The following KIAA1217 variants were observed in gnomAD, a reference collection of about 807,000 sequenced individuals.
KIAA1217 encodes KIAA1217.
A neutral mutation model predicts 163.9 loss-of-function variants in KIAA1217; 88 were observed. The observed-to-expected ratio is 0.54, with a 90% CI of 0.45 to 0.64. KIAA1217 has a LOEUF of 0.64. KIAA1217 is among the 30% of genes least tolerant of loss of function. The pLI is 0.00. For missense variants in KIAA1217, 2,372 were observed against 2,475.0 expected (o/e 0.96, Z 0.88); for synonymous variants, 903 against 923.1 (o/e 0.98, Z 0.39).
intron 1 of KIAA1217, among the ~76,000 whole-genome samples, chr10:23,906,086 T>C (rs1213776742): frequency 6.6e-6 from 1 of 152,060 alleles, no homozygotes; most frequent in Non-Finnish European, 1.5e-5. Flanking sequence ...GCCCAGCTAA[T>C]TCTCTCCAGC....
At chr10:24,432,684 G>C (rs529497806) in intron 3 of KIAA1217, among the ~76,000 whole-genome samples, 1 of 151,994 alleles carries the variant, frequency 6.6e-6, no homozygotes, top group East Asian at 2.0e-4. Flanking sequence ...CGAACTCCTG[G>C]CCTCAAGCAA....
chr10:24,016,312 T>C lies in KIAA1217; in HGVS notation c.-171+8938T>C, dbSNP rs1847477041. 2.0e-5 allele frequency among the ~76,000 whole-genome samples: 3 copies of C among 152,308 alleles called. No homozygotes were observed. The South Asian group carries it at 6.2e-4, about 32-fold the overall frequency. On this transcript the variant is annotated intron_variant, in intron 2 of 18. Transcript: ENST00000376462. The stretch of plus-strand genomic sequence containing the variant: ...ATTTCTTTGCTCAGTTCTTGTATTC[T>C]TATATTTATATTTTCAGCCTGGCTT...
intron 2 of KIAA1217, among the ~76,000 whole-genome samples, chr10:24,037,380 C>T (rs1046938559): frequency 6.6e-6 from 1 of 152,184 alleles, no homozygotes; most frequent in Non-Finnish European, 1.5e-5. Flanking sequence ...ATCCCAGCTA[C>T]TCAGGAGGAT....
chr10:24,402,331 C>T (rs545418192), intron 3 of KIAA1217, among the ~76,000 whole-genome samples: 19 of 151,700 alleles, frequency 1.3e-4, no homozygotes, highest in Non-Finnish European at 2.6e-4. Flanking sequence ...ACGGTGAAAC[C>T]CTGTCTCTAC....
At chr10:24,101,195 AG>A (rs1278508742) in intron 2 of KIAA1217, among the ~76,000 whole-genome samples, 1 of 152,242 alleles carries the variant, frequency 6.6e-6, no homozygotes, top group Non-Finnish European at 1.5e-5. Context: ...GATGAAGAAA[AG>A]CACTCCTGTG....
At position 24,120,768 on chromosome 10, in the gene KIAA1217, C is replaced by T. The variant is rs117677764; in HGVS notation, c.-170-98858C>T. Among the ~76,000 whole-genome samples, 22 of 152,258 alleles carry T rather than the reference C, an allele frequency of 1.4e-4. No individual in the cohort carries two copies. In the East Asian group the frequency reaches 4.0e-3, roughly 28 times the overall value. ...AAAAGGCATCAAGTCATCTCTGCAA[C>T]CCTGGGGCAGCTGTCATTTGTAAAG... is the stretch of plus-strand genomic sequence containing the variant. On this transcript the variant is annotated intron_variant, in intron 2 of 18. Transcript: ENST00000376462.
At chr10:23,828,918 A>T (rs985983574) in intron 1 of KIAA1217, among the ~76,000 whole-genome samples, 1 of 152,150 alleles carries the variant, frequency 6.6e-6, no homozygotes, top group Non-Finnish European at 1.5e-5. Flanking sequence ...CAGTTTCTGT[A>T]GGGGTTTTGT....
At chr10:24,239,886 C>T (rs999898225) in intron 2 of KIAA1217, among the ~76,000 whole-genome samples, 1 of 152,058 alleles carries the variant, frequency 6.6e-6, no homozygotes, top group Admixed American at 6.5e-5. Context: ...CTTTTCTCAC[C>T]GAGGCATTTT....
At chr10:24,484,241 A>ATATATATATATATTT (rs1376083298) in intron 6 of KIAA1217, among the ~76,000 whole-genome samples, 8 of 75,138 alleles carry the variant, frequency 1.1e-4, no homozygotes, top group Non-Finnish European at 1.7e-4. Flanking sequence ...ATATATATAT[A>ATATATATATATATTT]TTTTTTTTTT....
At chr10:23,696,195 A>G (rs1819802104) in intron 1 of KIAA1217, among the ~76,000 whole-genome samples, 1 of 152,098 alleles carries the variant, frequency 6.6e-6, no homozygotes, top group Non-Finnish European at 1.5e-5. Flanking sequence ...CCTACTTCTC[A>G]TAGGGGAAAA....
chr10:23,840,904 A>G (rs954330056), intron 1 of KIAA1217, among the ~76,000 whole-genome samples: 7 of 152,230 alleles, frequency 4.6e-5, no homozygotes, highest in Admixed American at 6.5e-5. Context: ...GCCATAGAAT[A>G]GTGGTCAAGA....
intron 3 of KIAA1217, among the ~76,000 whole-genome samples, chr10:24,421,090 A>T (rs1480803580): frequency 3.9e-5 from 6 of 152,062 alleles, no homozygotes; most frequent in African/African-American, 1.4e-4. Flanking sequence ...TTGCCACCTC[A>T]TGCCTCCTGG....
chr10:23,722,202 C>A (rs1837910211), intron 1 of KIAA1217, among the ~76,000 whole-genome samples: 1 of 152,040 alleles, frequency 6.6e-6, no homozygotes, highest in Non-Finnish European at 1.5e-5. Context: ...AAATGTGGAG[C>A]TATTGTTTAA....
intron 1 of KIAA1217, among the ~76,000 whole-genome samples, chr10:23,841,354 G>A (rs141662597): frequency 6.6e-6 from 1 of 152,294 alleles, no homozygotes; most frequent in East Asian, 1.9e-4. Flanking sequence ...AAACAGCAAG[G>A]CCTGAGTAAC....
chr10:24,385,391 T>C (rs1049813979), intron 3 of KIAA1217, among the ~76,000 whole-genome samples: 1 of 152,204 alleles, frequency 6.6e-6, no homozygotes, highest in African/African-American at 2.4e-5. Context: ...AGCTGTGTTT[T>C]GGACCCGTCT....
intron 1 of KIAA1217, among the ~76,000 whole-genome samples, chr10:23,970,140 A>G (rs1292522897): frequency 1.3e-5 from 2 of 152,174 alleles, no homozygotes; most frequent in Non-Finnish European, 2.9e-5. Flanking sequence ...CAGCCAAACC[A>G]TATCACCAAT....
At chr10:23,792,653 C>T (rs1274759667) in intron 1 of KIAA1217, among the ~76,000 whole-genome samples, 3 of 149,878 alleles carry the variant, frequency 2.0e-5, no homozygotes, top group Non-Finnish European at 3.0e-5. Flanking sequence ...CCACCACGCC[C>T]GGCTAATTTT....
At chr10:23,858,479 A>G (rs1416851003) in intron 1 of KIAA1217, among the ~76,000 whole-genome samples, 2 of 152,100 alleles carry the variant, frequency 1.3e-5, no homozygotes, top group African/African-American at 2.4e-5. Flanking sequence ...GTGTATATAC[A>G]TACATATAAA....
chr10:23,839,042 T>A (rs770531349), intron 1 of KIAA1217, among the ~76,000 whole-genome samples: 1 of 152,182 alleles, frequency 6.6e-6, no homozygotes, highest in Non-Finnish European at 1.5e-5. Context: ...CATCTAAATA[T>A]TTTCCCAACA....
Sources: allele counts gnomAD v4.1 joint callset (sites outside exome capture counted in the v4.1 genomes callset), GRCh38; gene constraint gnomAD v4.1.1; transcripts MANE v1.5; gene names NCBI Gene and HGNC (gene_info 2026-07-23, HGNC 2026-07-21).